MRPL20: variants seen among roughly 807,000 people sequenced by gnomAD.
MRPL20 encodes the protein mitochondrial ribosomal protein L20, also known as large ribosomal subunit protein bL20m.
MRPL20 carries 21 observed loss-of-function variants against 20.0 expected under a neutral mutation model. The observed-to-expected ratio is 1.05, with a 90% CI of 0.74 to 1.51. The LOEUF (loss-of-function observed/expected upper bound fraction) is 1.51. Ranked by LOEUF, MRPL20 falls within the 40% of genes most tolerant of loss-of-function variation. MRPL20 has a pLI of 0.00. For missense variants in MRPL20, 252 were observed against 185.6 expected (o/e 1.36, Z -2.08); for synonymous variants, 104 against 73.0 (o/e 1.43, Z -2.17).
Position 1,407,131 on chromosome 1 carries a change from C to G in MRPL20, c.87G>C (p.Arg29Ser). The change falls in exon 1 of 4, where the codon AGG (arginine) becomes AGC (serine). Residue 29 changes from arginine to serine, a missense_variant and splice_region_variant. Transcript: ENST00000344843. ...CCCAGGCCGGGCAGGCGGCACTCAC[C>G]CTGGCGTGCTTCAGCACCTCCTGGA... Reference protein sequence around the residue: ...FRIQEVLKHARHFRGRKNRCY... With the variant: ...FRIQEVLKHASHFRGRKNRCY... 1 of 1,607,280 alleles carries G rather than the reference C, an allele frequency of 6.2e-7. No individual in the cohort carries two copies. The highest frequency in any genetic ancestry group is 1.3e-5 in the African/African-American group (1 of 74,892).
At chr1:1,403,269 A>T (rs1274994855) in intron 3 of MRPL20, among the ~76,000 whole-genome samples, 1 of 151,554 alleles carries the variant, frequency 6.6e-6, no homozygotes, top group Non-Finnish European at 1.5e-5. Context: ...TTTGAAACAG[A>T]GTCTCACTGT....
In MRPL20 at chr1:1,402,091, A is replaced by ACTGCACCACTCTGGAAAAAATGC; in HGVS notation, c.419_441dup (p.Tyr148AlafsTer18). 1 of 1,613,528 alleles carries ACTGCACCACTCTGGAAAAAATGC rather than the reference A, an allele frequency of 6.2e-7. No homozygotes were observed. Among genetic ancestry groups the ACTGCACCACTCTGGAAAAAATGC allele is most frequent in the Non-Finnish European group, 8.5e-7 (1 of 1,179,718 alleles). On this transcript the variant is annotated frameshift_variant, in exon 4 of 4. Coordinates refer to ENST00000344843, the MANE Select transcript of MRPL20 (RefSeq NM_017971.4). LOFTEE classifies it high-confidence loss of function. ...CAATACAGCAACAGTCCTCAGTGGT[A>ACTGCACCACTCTGGAAAAAATGC]CTGCACCACTCTGGAAAAAATGCCT... is the stretch of plus-strand genomic sequence containing the variant.
chr1:1,404,731 C>T (rs1645367091), intron 3 of MRPL20, among the ~76,000 whole-genome samples: 2 of 152,068 alleles, frequency 1.3e-5, no homozygotes, highest in African/African-American at 2.4e-5. Flanking sequence ...AATATCCTGA[C>T]CTCATGATCT....
intron 3 of MRPL20, among the ~76,000 whole-genome samples, chr1:1,403,819 T>C (rs1300704526): frequency 6.6e-6 from 1 of 152,178 alleles, no homozygotes; most frequent in African/African-American, 2.4e-5. Context: ...ACCTGCTATG[T>C]CATCAGAAAT....
intron 3 of MRPL20, 126 bp from the exon 4 acceptor site, chr1:1,402,382 GAATC>G: frequency 7.0e-7 from 1 of 1,423,540 alleles, no homozygotes; most frequent in South Asian, 1.5e-5. Context: ...AGGCCTAGGA[GAATC>G]CTATCTGGGT....
At chr1:1,404,950 A>G (rs1021032351) in intron 3 of MRPL20, among the ~76,000 whole-genome samples, 15 of 152,038 alleles carry the variant, frequency 9.9e-5, no homozygotes, top group African/African-American at 2.2e-4. Context: ...CCTCTGCCAC[A>G]TGGACTGCTA....
In MRPL20 at chr1:1,402,179, G is replaced by A. The variant is rs772201575; in HGVS notation, c.354C>T (p.Ala118=). Residue 118 remains alanine (A), a synonymous_variant, in exon 4 of 4, where the codon GCC becomes GCT. Transcript: ENST00000344843. ...YEPKTFKSLA[A]LASRRRHEGF... ...CTTCGTGTCGCCTCCTACTGGCCAA[G>A]GCAGCCAAAGATTTGAAAGTCTTTG... The A allele has an allele frequency of 9.9e-6, 16 of 1,613,990 alleles. No homozygotes were observed. Among genetic ancestry groups the A allele is most frequent in the Non-Finnish European group, 1.4e-5 (16 of 1,180,034 alleles).
intron 3 of MRPL20, chr1:1,405,579 C>G: frequency 1.4e-6 from 1 of 736,302 alleles, no homozygotes; most frequent in Non-Finnish European, 2.3e-6. Context: ...TGGTTCACCC[C>G]TCCTTAGGCA....
intron 3 of MRPL20, chr1:1,402,577 A>G: frequency 9.2e-7 from 1 of 1,083,344 alleles, no homozygotes; most frequent in Non-Finnish European, 1.1e-6. Context: ...GCCTAGGGTA[A>G]CCCTTTAAGC....
Position 1,402,180 on chromosome 1 carries a change from G to A in MRPL20, c.353C>T (p.Ala118Val). The A allele has an allele frequency of 6.2e-7, 1 of 1,614,054 alleles. No homozygotes were observed. Among genetic ancestry groups the A allele is most frequent in the Non-Finnish European group, 8.5e-7 (1 of 1,180,022 alleles). Reference sequence around the variant, plus strand: ...TTCGTGTCGCCTCCTACTGGCCAAGGCAGCCAAAGATTTGAAAGTCTTTGG... The same window carrying A: ...TTCGTGTCGCCTCCTACTGGCCAAGACAGCCAAAGATTTGAAAGTCTTTGG... ...YEPKTFKSLA[A>V]LASRRRHEGF... Residue 118 changes from alanine to valine, a missense_variant, in exon 4 of 4, where the codon GCC becomes GTC. Physicochemically the swap from Ala to Val is moderately conservative, Grantham distance 64. Coordinates refer to ENST00000344843, the MANE Select transcript of MRPL20 (RefSeq NM_017971.4).
At position 1,402,137 on chromosome 1, in the gene MRPL20, C is replaced by T. The variant is rs564241399; in HGVS notation, c.396G>A (p.Leu132=). 26 of 1,614,046 alleles carry T rather than the reference C, an allele frequency of 1.6e-5. No individual in the cohort carries two copies. Among genetic ancestry groups the T allele is most frequent in the Non-Finnish European group, 2.1e-5 (25 of 1,180,046 alleles). ...RRRHEGFAAA[L]GDGKEPEGIF... ...TGCCTTCAGGTTCCTTCCCATCCCC[C>T]AAGGCAGCAGCAAATCCTTCGTGTC... Residue 132 remains leucine (L), a synonymous_variant, in exon 4 of 4, where the codon TTG becomes TTA. Coordinates refer to ENST00000344843, the MANE Select transcript of MRPL20 (RefSeq NM_017971.4).
rs747694977 is a variant in MRPL20, at chr1:1,407,203, G to T, written c.15C>A (p.Thr5=). MVFL[T]AQLWLRNRVT... is the part of the protein sequence containing the mutation. Reference sequence around the variant, plus strand: ...CGCGATTCCGCAGCCAGAGCTGCGCGGTGAGGAAGACCATGGCGCCTGCAG... The same window carrying T: ...CGCGATTCCGCAGCCAGAGCTGCGCTGTGAGGAAGACCATGGCGCCTGCAG... The change falls in exon 1 of 4, where the codon ACC becomes ACA. Residue 5 remains threonine (T), a synonymous_variant. Coordinates refer to ENST00000344843, the MANE Select transcript of MRPL20 (RefSeq NM_017971.4). 2 of 1,604,130 alleles carry T rather than the reference G, an allele frequency of 1.2e-6. No individual in the cohort carries two copies. The highest frequency in any genetic ancestry group is 3.4e-5 in the Admixed American group (2 of 58,512).
intron 2 of MRPL20, chr1:1,406,486 T>G: frequency 5.0e-6 from 1 of 201,862 alleles, no homozygotes. Flanking sequence ...GGGTTCCGGG[T>G]GGGCAGAGCT....
Position 1,401,974 on chromosome 1 carries a change from G to GA in MRPL20, c.*108dup. ...CATCTGTGAGGCTCTGTCCCAGAGAGACAGGGCCATCCCTCATGTCTGTTA... is the reference window on the plus strand; with the variant it reads ...CATCTGTGAGGCTCTGTCCCAGAGAGAACAGGGCCATCCCTCATGTCTGTTA... On this transcript the variant is annotated 3_prime_UTR_variant, in exon 4 of 4. Coordinates refer to ENST00000344843, the MANE Select transcript of MRPL20 (RefSeq NM_017971.4). 8.0e-7 allele frequency: 1 copy of GA among 1,257,104 alleles called. No homozygotes were observed. The highest frequency in any genetic ancestry group is 1.1e-6 in the Non-Finnish European group (1 of 903,548). The allele number at this position is 1,257,104 out of a possible 1,614,324, so 77.9% of individuals were successfully genotyped here.
rs949278866 is a variant in MRPL20 at position 1,406,947 on chromosome 1, T to C, written c.160A>G (p.Thr54Ala). 1.2e-6 allele frequency: 2 copies of C among 1,613,696 alleles called. No homozygotes were observed. The highest frequency in any genetic ancestry group is 1.7e-5 in the Admixed American group (1 of 59,996). ...TTTTTCTTCAGGTATCGGGCTTTGG[T>C]GCATTTCACAAAGGCTCGAATCACG... is the stretch of plus-strand genomic sequence containing the variant. ...RTVIRAFVKC[T>A]KARYLKKKNM... is the part of the protein sequence containing the mutation. The change falls in exon 2 of 4, where the codon ACC becomes GCC. Residue 54 changes from threonine (T) to alanine (A), a missense_variant. Coordinates refer to ENST00000344843, the MANE Select transcript of MRPL20 (RefSeq NM_017971.4).
intron 3 of MRPL20, chr1:1,405,280 T>G (rs1158033389): frequency 4.6e-6 from 1 of 218,206 alleles, no homozygotes; most frequent in Non-Finnish European, 9.2e-6. Context: ...CAGCCATGGC[T>G]TTCTTTATTC....
At chr1:1,402,441 G>A in intron 3 of MRPL20, 185 bp from the exon 4 acceptor site, 1 of 1,371,096 alleles carries the variant, frequency 7.3e-7, no homozygotes, top group Non-Finnish European at 9.4e-7. Context: ...GGATAAATGT[G>A]GACACGGGTG....
At chr1:1,404,492 A>T (rs1301482173) in intron 3 of MRPL20, among the ~76,000 whole-genome samples, 1 of 149,598 alleles carries the variant, frequency 6.7e-6, no homozygotes, top group South Asian at 2.1e-4. Context: ...GTTAAAGTCA[A>T]GTTTTTCTAC....
rs767180281 is a variant in MRPL20, at chr1:1,402,208, C to T, written c.325G>A (p.Glu109Lys). 20 of 1,613,918 alleles carry T rather than the reference C, an allele frequency of 1.2e-5. No homozygotes were observed. In the South Asian group the frequency reaches 1.4e-4, roughly 12 times the overall value. Residue 109 changes from glutamate (E) to lysine (K), a missense_variant, in exon 4 of 4, where the codon GAG (glutamate) becomes AAG (lysine). Physicochemically the swap from Glu to Lys is moderately conservative, Grantham distance 56. Coordinates refer to ENST00000344843, the MANE Select transcript of MRPL20 (RefSeq NM_017971.4). ...GCCAAAGATTTGAAAGTCTTTGGCT[C>T]GTAGATGGCCAGATCCGCTAGGACT... ...RKVLADLAIY[E>K]PKTFKSLAAL...
Sources: allele counts gnomAD v4.1 joint callset (sites outside exome capture counted in the v4.1 genomes callset), GRCh38; gene constraint gnomAD v4.1.1; transcripts MANE v1.5; gene names NCBI Gene and HGNC (gene_info 2026-07-23, HGNC 2026-07-21).